The following C1orf159 variants were observed in gnomAD, a reference collection of about 807,000 sequenced individuals.
C1orf159 encodes the protein uncharacterized protein C1orf159.
Under a neutral mutation model 25.6 loss-of-function variants are expected in C1orf159, and 19 were observed. The ratio of observed to expected loss-of-function variants is 0.74; its 90% CI spans 0.52 to 1.09. C1orf159 has a LOEUF of 1.09. Among genes scored for constraint, C1orf159 ranks in the 50% least tolerant of loss-of-function variants. The pLI is 0.00. For missense variants in C1orf159, 274 were observed against 290.6 expected, an observed-to-expected ratio of 0.94 and a Z score of 0.42; for synonymous variants, 139 against 124.7, an observed-to-expected ratio of 1.12 and a Z score of -0.77.
At chr1:1,115,914 G>C (rs1480198606) in intron 1 of C1orf159, 146 bp downstream of exon 1, 2 of 151,056 alleles carry the variant, frequency 1.3e-5, no homozygotes, top group East Asian at 2.0e-4. Flanking sequence ...CGCACAATGG[G>C]GGACGCGCAG....
Position 1,093,536 on chromosome 1 carries a change from G to A in C1orf159, c.-135-1433C>T, listed in dbSNP as rs564516813. Among the ~76,000 whole-genome samples, 4 of 152,378 alleles carry A rather than the reference G, an allele frequency of 2.6e-5. No homozygotes were observed. The South Asian group carries it at 8.3e-4, about 32-fold the overall frequency. On this transcript the variant is annotated intron_variant, in intron 1 of 9. Coordinates refer to ENST00000421241, the MANE Select transcript of C1orf159 (RefSeq NM_017891.5). The stretch of plus-strand genomic sequence containing the variant: ...ACAAGCCCGGGCTCCCGGCAGCCAG[G>A]AGCTGACCAGACTGCAGCTGTATCT...
intron 1 of C1orf159, among the ~76,000 whole-genome samples, chr1:1,100,030 T>A (rs556755331): frequency 6.6e-6 from 1 of 152,344 alleles, no homozygotes; most frequent in South Asian, 2.1e-4. Context: ...GGCAGGAGGA[T>A]CACTTGAGCC....
Position 1,083,153 on chromosome 1 carries a change from G to A in C1orf159, c.503-166C>T, listed in dbSNP as rs117647172. 2.7e-3 allele frequency: 1,522 copies of A among 567,678 alleles called. 47 individuals are homozygous for A. In the East Asian group the frequency reaches 0.045, roughly 17 times the overall value. The allele number at this position is 567,678 out of a possible 1,614,324, so 35.2% of individuals were successfully genotyped here. On this transcript the variant is annotated intron_variant, in intron 9 of 9. Coordinates refer to ENST00000421241, the MANE Select transcript of C1orf159 (RefSeq NM_017891.5). ...CCCAGATGCCCCCTGCCCCTAAGGC[G>A]CCCTCAGAGCTCCAGCTCGGGAAAG... is the stretch of plus-strand genomic sequence containing the variant.
chr1:1,105,414 G>A (rs6687681), intron 1 of C1orf159, among the ~76,000 whole-genome samples: 35,799 of 151,986 alleles, frequency 0.24, 5,649 homozygotes, highest in African/African-American at 0.45. Context: ...AGGGAGGTGG[G>A]AGGATCGCTT....
At position 1,110,659 on chromosome 1, in the gene C1orf159, T is replaced by C. The variant is rs1174886531; in HGVS notation, c.-136+5401A>G. 1.3e-5 allele frequency among the ~76,000 whole-genome samples: 2 copies of C among 151,232 alleles called. No individual in the cohort carries two copies. Among genetic ancestry groups the C allele is most frequent in the Non-Finnish European group, 2.9e-5 (2 of 67,918 alleles). On this transcript the variant is annotated intron_variant, in intron 1 of 9. Coordinates refer to ENST00000421241, the MANE Select transcript of C1orf159 (RefSeq NM_017891.5). The surrounding 1 kb of genome is among the most constrained non-coding windows in gnomAD (Gnocchi z 4.8). ...GACTTCCACACCTGGGATGCAGCCT[T>C]CCCCCCGGGCACGTTCCCAAGAGAA... is the stretch of plus-strand genomic sequence containing the variant.
intron 1 of C1orf159, among the ~76,000 whole-genome samples, chr1:1,101,085 C>T (rs555347681): frequency 4.9e-4 from 75 of 152,322 alleles, no homozygotes; most frequent in Middle Eastern, 6.8e-3. Context: ...TATCAGTTTT[C>T]CTTTTTCTGA....
In C1orf159 at chr1:1,087,128, C is replaced by T; in HGVS notation, c.310+11G>A. On this transcript the variant is annotated intron_variant, in intron 6 of 9. Transcript: ENST00000421241. This position sits in a 1 kb window ranked among gnomAD's most constrained non-coding sequence, Gnocchi z 8.3. ...CACCGGCAGAGGTGGCTGTGGCCTG[C>T]TGAGACTTACCAGGATGTGGCCGCC... The T allele has an allele frequency of 6.2e-7, 1 of 1,606,532 alleles. No homozygotes were observed. The highest frequency in any genetic ancestry group is 8.5e-7 in the Non-Finnish European group (1 of 1,179,144).
intron 3 of C1orf159, chr1:1,090,865 C>G (rs1477770245): frequency 1.9e-6 from 3 of 1,547,064 alleles, no homozygotes; most frequent in Non-Finnish European, 2.6e-6. Context: ...GCGCTGGGTG[C>G]TGGCACTTAC....
At chr1:1,115,870 C>G (rs1189039349) in intron 1 of C1orf159, among the ~76,000 whole-genome samples, 190 bp downstream of exon 1, 5 of 149,854 alleles carry the variant, frequency 3.3e-5, no homozygotes, top group Non-Finnish European at 7.4e-5. Flanking sequence ...GCGACGAGGA[C>G]GCGGGCCCAG....
chr1:1,092,973 C>A (rs1275675250), intron 1 of C1orf159, among the ~76,000 whole-genome samples: 4 of 151,992 alleles, frequency 2.6e-5, no homozygotes, highest in Admixed American at 2.6e-4. Flanking sequence ...TCACCTGAGC[C>A]CAGAAGGTGG....
chr1:1,084,121 A>C (rs746468420), intron 9 of C1orf159: 1 of 1,570,064 alleles, frequency 6.4e-7, no homozygotes. Context: ...AGTCACGGGG[A>C]TTAAAGGGGG....
chr1:1,096,445 C>T (rs972041737), intron 1 of C1orf159, among the ~76,000 whole-genome samples: 3 of 151,838 alleles, frequency 2.0e-5, no homozygotes, highest in South Asian at 4.2e-4. Flanking sequence ...TGGGATTACA[C>T]GTGGGAGCCA....
intron 1 of C1orf159, among the ~76,000 whole-genome samples, chr1:1,101,143 CT>C (rs147746566): frequency 2.0e-5 from 3 of 151,646 alleles, no homozygotes; most frequent in Non-Finnish European, 4.4e-5. Flanking sequence ...GAATTCTATG[CT>C]TTTTTTTTCT....
chr1:1,098,263 G>T (rs1484604845), intron 1 of C1orf159, among the ~76,000 whole-genome samples: 2 of 151,914 alleles, frequency 1.3e-5, no homozygotes, highest in Non-Finnish European at 2.9e-5. Flanking sequence ...TAGAGATGGG[G>T]TTTCACCATG....
chr1:1,115,904 C>T (rs1646333690), intron 1 of C1orf159, among the ~76,000 whole-genome samples, 156 bp downstream of exon 1: 1 of 150,920 alleles, frequency 6.6e-6, no homozygotes, highest in Non-Finnish European at 1.5e-5. Context: ...CTCCGCGCGC[C>T]GCACAATGGG....
rs1198740610 is a variant in C1orf159 at position 1,102,097 on chromosome 1, CA to C, written c.-135-9995del. On this transcript the variant is annotated intron_variant, in intron 1 of 9. Coordinates refer to ENST00000421241, the MANE Select transcript of C1orf159 (RefSeq NM_017891.5). ...AAAAAAAAAAAAAAAAAAAAAAAAA[CA>C]AACTTTTGAAGTGATGGGTCCAGGT... is the stretch of plus-strand genomic sequence containing the variant. 1.1e-3 allele frequency among the ~76,000 whole-genome samples: 124 copies of C among 108,362 alleles called. 1 individual carries two copies. Among genetic ancestry groups the C allele is most frequent in the African/African-American group, 4.0e-3 (115 of 28,406 alleles). 71.1% of individuals were successfully genotyped at this position (108,362 alleles called of 152,430 possible).
intron 1 of C1orf159, among the ~76,000 whole-genome samples, chr1:1,103,467 A>AT (rs1240873441): frequency 5.9e-5 from 9 of 152,324 alleles, no homozygotes; most frequent in African/African-American, 1.7e-4. Context: ...AAGAGAATCA[A>AT]TGTTTCTACT....
chr1:1,091,066 T>C, intron 3 of C1orf159: 3 of 1,175,390 alleles, frequency 2.6e-6, no homozygotes, highest in Non-Finnish European at 3.6e-6. Flanking sequence ...GGGGCCCAGG[T>C]CCGGTCCCTC....
chr1:1,087,633 C>G lies in C1orf159; in HGVS notation c.149-36G>C. ...CAGAGGACGGGCATGTCAGCCAAAG[C>G]AAAATCCACACCAGCTGGGTCTCCT... On this transcript the variant is annotated intron_variant, in intron 4 of 9. Transcript: ENST00000421241. The surrounding 1 kb of genome is among the most constrained non-coding windows in gnomAD (Gnocchi z 8.3). 1 of 1,437,014 alleles carries G rather than the reference C, an allele frequency of 7.0e-7. No individual in the cohort carries two copies. The highest frequency in any genetic ancestry group is 1.4e-5 in the African/African-American group (1 of 70,638). 89.0% of individuals were successfully genotyped at this position (1,437,014 alleles called of 1,614,324 possible).
Sources: gnomAD v4.1 joint callset for allele counts (sites outside exome capture counted in the v4.1 genomes callset) on GRCh38, gnomAD v4.1.1 for gene constraint, Gnocchi (gnomAD v3.1) non-coding constraint, MANE v1.5 for transcripts, NCBI Gene and HGNC (gene_info 2026-07-23, HGNC 2026-07-21) for gene names.